IGSF9: variants seen among roughly 807,000 people sequenced by gnomAD.
IGSF9 encodes immunoglobulin superfamily member 9.
Under a neutral mutation model 121.7 loss-of-function variants are expected in IGSF9, and 87 were observed. The ratio of observed to expected loss-of-function variants is 0.71; its 90% CI spans 0.60 to 0.85. The LOEUF (loss-of-function observed/expected upper bound fraction) is 0.85, where lower values mean the gene tolerates loss of function less well. Among genes scored for constraint, IGSF9 ranks in the 40% least tolerant of loss-of-function variants. The pLI, the probability that IGSF9 is intolerant of heterozygous loss-of-function variation, is 0.00. For missense variants in IGSF9, 1,462 were observed against 1,565.3 expected (o/e 0.93, Z 1.11); for synonymous variants, 640 against 648.4 (o/e 0.99, Z 0.20).
chr1:159,941,984 C>A (rs1417041251), intron 3 of IGSF9, among the ~76,000 whole-genome samples: 1 of 152,270 alleles, frequency 6.6e-6, no homozygotes, highest in African/African-American at 2.4e-5. Context: ...TGGCAAGGCT[C>A]AGCCAATCCC....
chr1:159,932,987 G>T lies in IGSF9; in HGVS notation c.1105-335C>A. 4.7e-6 allele frequency: 1 copy of T among 214,522 alleles called. No homozygotes were observed. The allele number at this position is 214,522 out of a possible 1,614,324, so 13.3% of individuals were successfully genotyped here. A position where few individuals can be genotyped will look rare whatever the true frequency, so the allele number is the denominator to read the frequency against. ...TCTCTTCCCAGCACTCCACAACTAAGTTCAGAGTCTTCCACCCAAAACCAG... is the reference window on the plus strand; with the variant it reads ...TCTCTTCCCAGCACTCCACAACTAATTTCAGAGTCTTCCACCCAAAACCAG... On this transcript the variant is annotated intron_variant, in intron 9 of 20. Coordinates refer to ENST00000368094, the MANE Select transcript of IGSF9 (RefSeq NM_001135050.2). This position sits in a 1 kb window ranked among gnomAD's most constrained non-coding sequence, Gnocchi z 4.1.
Position 159,931,760 on chromosome 1 carries a change from G to C in IGSF9, c.1362+52C>G. ...CCCACAAAATGGCTGGGGCACGAGA[G>C]GCAGGGGTGTAGTGGGCGTGGGTAC... On this transcript the variant is annotated intron_variant, in intron 11 of 20. Transcript: ENST00000368094. The surrounding 1 kb of genome is among the most constrained non-coding windows in gnomAD (Gnocchi z 4.8). 6.8e-7 allele frequency: 1 copy of C among 1,467,938 alleles called. No homozygotes were observed. The highest frequency in any genetic ancestry group is 1.4e-5 in the African/African-American group (1 of 71,588). The allele number at this position is 1,467,938 out of a possible 1,614,324, so 90.9% of individuals were successfully genotyped here.
At position 159,927,891 on chromosome 1, in the gene IGSF9, TAAAAA is replaced by T. The variant is rs60386431; in HGVS notation, c.3231-9_3231-5del. The T allele has an allele frequency of 4.6e-5, 71 of 1,544,842 alleles. No homozygotes were observed. Among genetic ancestry groups the T allele is most frequent in the Admixed American group, 1.9e-4 (10 of 53,258 alleles). ...CTCGTCCACAGATGTGTTCCTCCTGTAAAAAAAAAAAAAAAGACAAACATATGGTG... is the reference window on the plus strand; with the variant it reads ...CTCGTCCACAGATGTGTTCCTCCTGTAAAAAAAAAAGACAAACATATGGTG... On this transcript the variant is annotated splice_region_variant and splice_polypyrimidine_tract_variant and intron_variant, in intron 19 of 20. Transcript: ENST00000368094.
rs1341345292 is a variant in IGSF9 at position 159,929,653 on chromosome 1, T to C, written c.2311A>G (p.Lys771Glu). The C allele has an allele frequency of 6.3e-7, 1 of 1,594,552 alleles. No individual in the cohort carries two copies. The change falls in exon 17 of 21, where the codon AAG becomes GAG. Residue 771 changes from lysine to glutamate, a missense_variant. This residue lies in a region of IGSF9 where 808 missense variants were observed against 815.2 expected (regional missense o/e 0.99). Transcript: ENST00000368094. ...NRRRAARRRR[K>E]RLRQDPPLIF... The stretch of plus-strand genomic sequence containing the variant: ...AGGGACTTACCTTGGCGGAGGCGCT[T>C]GCGGCGGCGGCGGGCAGCCCTGCGC...
chr1:159,928,386 T>C lies in IGSF9; in HGVS notation c.3002A>G (p.Asp1001Gly). ...CAGCAGCCGCTCCCTCAGTGTCCAG[T>C]CAGCCAGGGCTGTGTAAGGGGGCTC... ...TAEPPYTALA[D>G]WTLRERLLPG... Residue 1001 changes from aspartate to glycine, a missense_variant, in exon 19 of 21, where the codon GAC (aspartate) becomes GGC (glycine). Asp to Gly is a moderately conservative substitution (Grantham distance 94). Transcript: ENST00000368094. 3 of 1,609,318 alleles carry C rather than the reference T, an allele frequency of 1.9e-6. No homozygotes were observed. Among genetic ancestry groups the C allele is most frequent in the Non-Finnish European group, 2.5e-6 (3 of 1,178,008 alleles).
intron 15 of IGSF9, 30 bp downstream of exon 15, chr1:159,930,159 G>T (rs1390606228): frequency 1.3e-6 from 2 of 1,574,972 alleles, no homozygotes; most frequent in Non-Finnish European, 1.7e-6. Context: ...CCCCTAGGAG[G>T]CCTCTCTCTG....
Position 159,943,397 on chromosome 1 carries a change from C to G in IGSF9, c.58G>C (p.Gly20Arg). The G allele has an allele frequency of 6.3e-7, 1 of 1,584,920 alleles. No individual in the cohort carries two copies. Among genetic ancestry groups the G allele is most frequent in the Non-Finnish European group, 8.6e-7 (1 of 1,164,990 alleles). ...TCTTGAGCCCAAGAGCTCAGCTTAC[C>G]GTCAGCCCCCTGGCTGATGACCAGG... is the stretch of plus-strand genomic sequence containing the variant. Reference protein sequence around the residue: ...LSLVISQGADGRGKPEVVSVV... With the variant: ...LSLVISQGADRRGKPEVVSVV... The change falls in exon 2 of 21, where the codon GGT becomes CGT. Residue 20 changes from glycine to arginine, a missense_variant and splice_region_variant. Physicochemically the swap from Gly to Arg is moderately radical, Grantham distance 125. Coordinates refer to ENST00000368094, the MANE Select transcript of IGSF9 (RefSeq NM_001135050.2).
intron 3 of IGSF9, 45 bp downstream of exon 3, chr1:159,942,918 T>G: frequency 1.3e-6 from 2 of 1,568,616 alleles, no homozygotes; most frequent in Admixed American, 1.8e-5. Flanking sequence ...CAGCCCACCT[T>G]TCTTGCTGAT....
chr1:159,943,206 G>C, intron 2 of IGSF9, 55 bp from the exon 3 acceptor site: 2 of 1,463,600 alleles, frequency 1.4e-6, no homozygotes, highest in East Asian at 4.7e-5. Context: ...GTGCTGGGAG[G>C]GGGAGTGCCA....
chr1:159,933,975 A>G (rs1042803845), intron 9 of IGSF9: 4 of 585,422 alleles, frequency 6.8e-6, no homozygotes, highest in Middle Eastern at 4.5e-4. Context: ...TCTTTCCCCA[A>G]AGAAGACACA....
In IGSF9 at chr1:159,928,944, C is replaced by T. The variant is rs750001545; in HGVS notation, c.2444G>A (p.Arg815His). ...AGGATCCCCCCAGAGCAGACTCTGG[C>T]GCAGGCTGGGGACTGGGGATCCCTG... is the stretch of plus-strand genomic sequence containing the variant. ...KLQGSPVPSLRQSLLWGDPAG... is the reference protein window; with the variant it reads ...KLQGSPVPSLHQSLLWGDPAG... The change falls in exon 19 of 21, where the codon CGC becomes CAC. Residue 815 changes from arginine (R) to histidine (H), a missense_variant. Coordinates refer to ENST00000368094, the MANE Select transcript of IGSF9 (RefSeq NM_001135050.2). 3.2e-6 allele frequency: 5 copies of T among 1,547,416 alleles called. No individual in the cohort carries two copies. Among genetic ancestry groups the T allele is most frequent in the Non-Finnish European group, 4.3e-6 (5 of 1,149,886 alleles).
chr1:159,943,062 G>T lies in IGSF9; in HGVS notation c.148C>A (p.Pro50Thr), dbSNP rs769777467. 3.7e-6 allele frequency: 6 copies of T among 1,611,506 alleles called. No individual in the cohort carries two copies. The highest frequency in any genetic ancestry group is 3.4e-5 in the Admixed American group (2 of 59,614). Residue 50 changes from proline to threonine, a missense_variant, in exon 3 of 21, where the codon CCC becomes ACC. Physicochemically the swap from Pro to Thr is conservative, Grantham distance 38. Around this residue, in one of 3 missense-constraint regions of IGSF9, gnomAD observed 558 missense variants for 599.4 expected, o/e 0.93. Coordinates refer to ENST00000368094, the MANE Select transcript of IGSF9 (RefSeq NM_001135050.2). ...GCDLLPPAGR[P>T]PLHVIEWLRF... ...AGCCACTCGATGACATGCAGGGGGG[G>T]CCGGCCGGCCGGGGGCAGCAGGTCA...
rs749661218 is a variant in IGSF9, at chr1:159,931,211, C to G, written c.1564G>C (p.Gly522Arg). 3 of 1,614,122 alleles carry G rather than the reference C, an allele frequency of 1.9e-6. No individual in the cohort carries two copies. The highest frequency in any genetic ancestry group is 2.5e-6 in the Non-Finnish European group (3 of 1,180,000). The change falls in exon 13 of 21, where the codon GGT becomes CGT. Residue 522 changes from glycine to arginine, a missense_variant. Transcript: ENST00000368094. The surrounding 1 kb of genome is among the most constrained non-coding windows in gnomAD (Gnocchi z 4.8). Reference sequence around the variant, plus strand: ...CCAGGCTCCCAGGAGACATTGGCACCCTTGGGCAAAGCCACCACGGACACA... The same window carrying G: ...CCAGGCTCCCAGGAGACATTGGCACGCTTGGGCAAAGCCACCACGGACACA... Reference protein sequence around the residue: ...TNVSVVALPKGANVSWEPGFD... With the variant: ...TNVSVVALPKRANVSWEPGFD...
In IGSF9 at chr1:159,929,408, G is replaced by T. The variant is rs1557930526; in HGVS notation, c.2327-15C>A. On this transcript the variant is annotated splice_polypyrimidine_tract_variant and intron_variant, in intron 17 of 20. Coordinates refer to ENST00000368094, the MANE Select transcript of IGSF9 (RefSeq NM_001135050.2). ...AAGAGGTGGATCTGGAAGGGCATGA[G>T]AATAGTAGGTGACACAGGCAAAAAT... 1 of 1,614,038 alleles carries T rather than the reference G, an allele frequency of 6.2e-7. No homozygotes were observed. Among genetic ancestry groups the T allele is most frequent in the Non-Finnish European group, 8.5e-7 (1 of 1,179,916 alleles).
chr1:159,933,337 C>CT (rs1431222508), intron 9 of IGSF9: 1 of 152,276 alleles, frequency 6.6e-6, no homozygotes, highest in Non-Finnish European at 1.5e-5. Flanking sequence ...TGCCTGTAGA[C>CT]TTTTTTCTTA....
intron 3 of IGSF9, among the ~76,000 whole-genome samples, chr1:159,939,836 A>T (rs189354741): frequency 1.3e-5 from 2 of 152,112 alleles, no homozygotes. Flanking sequence ...TGAAATCCCC[A>T]CCCCGGAGAT....
At position 159,928,549 on chromosome 1, in the gene IGSF9, G is replaced by T. The variant is rs1571209646; in HGVS notation, c.2839C>A (p.Pro947Thr). ...TAATCTGGGGGTGCAGCAGGGCTGG[G>T]CTCCTCAAGCGGGGGCCAGTCCCCA... Reference protein sequence around the residue: ...VDGDWPPLEEPSPAAPPDYMD... With the variant: ...VDGDWPPLEETSPAAPPDYMD... Residue 947 changes from proline to threonine, a missense_variant, in exon 19 of 21, where the codon CCC (proline) becomes ACC (threonine). This residue lies in a region of IGSF9 where 808 missense variants were observed against 815.2 expected (regional missense o/e 0.99). Transcript: ENST00000368094. 1.2e-5 allele frequency: 19 copies of T among 1,548,148 alleles called. No homozygotes were observed. Among genetic ancestry groups the T allele is most frequent in the Non-Finnish European group, 1.6e-5 (18 of 1,146,194 alleles).
Position 159,943,485 on chromosome 1 carries a change from C to T in IGSF9, c.-31G>A. ...AGCTGGCCTGCTCACCCAGCCCCTC[C>T]TATCCACAGGAGCCCAGATGGAGGG... On this transcript the variant is annotated 5_prime_UTR_variant, in exon 2 of 21. Coordinates refer to ENST00000368094, the MANE Select transcript of IGSF9 (RefSeq NM_001135050.2). 2.0e-6 allele frequency: 3 copies of T among 1,526,894 alleles called. No homozygotes were observed. The highest frequency in any genetic ancestry group is 2.6e-6 in the Non-Finnish European group (3 of 1,137,276). The allele number at this position is 1,526,894 out of a possible 1,614,324, so 94.6% of individuals were successfully genotyped here.
At chr1:159,933,849 C>G in intron 9 of IGSF9, 1 of 345,308 alleles carries the variant, frequency 2.9e-6, no homozygotes, top group South Asian at 2.5e-5. Context: ...CCACACAGCA[C>G]CTGGTAAGAA....
Sources: allele counts gnomAD v4.1 joint callset (sites outside exome capture counted in the v4.1 genomes callset), GRCh38; gene constraint gnomAD v4.1.1; regional missense constraint gnomAD v4.1.1; non-coding constraint Gnocchi (gnomAD v3.1); transcripts MANE v1.5; gene names NCBI Gene and HGNC (gene_info 2026-07-23, HGNC 2026-07-21).